The following TANGO2 variants were observed in gnomAD, a reference collection of about 807,000 sequenced individuals.
The protein encoded by TANGO2 is transport and golgi organization 2 homolog.
Under a neutral mutation model 39.1 loss-of-function variants are expected in TANGO2, and 26 were observed. That is an observed-to-expected ratio of 0.67 (90% confidence interval 0.49 to 0.92). The LOEUF is 0.92. TANGO2 is among the 40% of genes least tolerant of loss of function. The pLI, the probability that TANGO2 is intolerant of heterozygous loss-of-function variation, is 0.00. For synonymous variants in TANGO2, 131 were observed against 144.5 expected, an observed-to-expected ratio of 0.91 and a Z score of 0.67; for missense variants, 326 against 360.1, an observed-to-expected ratio of 0.91 and a Z score of 0.77.
At chr22:20,050,726 G>T (rs1216690049) in intron 3 of TANGO2, among the ~76,000 whole-genome samples, 1 of 147,802 alleles carries the variant, frequency 6.8e-6, no homozygotes. Context: ...ATATTTAAAT[G>T]CTCACTTTCC....
chr22:20,054,905 T>G (rs1365091640), intron 5 of TANGO2: 1 of 152,260 alleles, frequency 6.6e-6, no homozygotes, highest in Non-Finnish European at 1.5e-5. Context: ...CAGAGGAGAT[T>G]TTTGCCTGCA....
chr22:20,052,666 A>G (rs1489569923), intron 4 of TANGO2, 82 bp downstream of exon 4: 8 of 1,497,678 alleles, frequency 5.3e-6, no homozygotes, highest in Middle Eastern at 2.4e-4. Context: ...CCAAGGGACT[A>G]CAGGACTGGC....
At chr22:20,022,172 T>C (rs1428182591) in intron 1 of TANGO2, among the ~76,000 whole-genome samples, 1 of 152,242 alleles carries the variant, frequency 6.6e-6, no homozygotes, top group Non-Finnish European at 1.5e-5. Flanking sequence ...ATTGATCCAG[T>C]CCTGCTCATA....
At chr22:20,043,915 G>A (rs1039964488) in intron 3 of TANGO2, among the ~76,000 whole-genome samples, 2 of 152,158 alleles carry the variant, frequency 1.3e-5, no homozygotes, top group Non-Finnish European at 2.9e-5. Context: ...TGGTGCTGAA[G>A]CCCCGTCACC....
intron 1 of TANGO2, among the ~76,000 whole-genome samples, chr22:20,022,402 T>C (rs1299965988): frequency 2.6e-5 from 4 of 152,168 alleles, no homozygotes; most frequent in Admixed American, 6.5e-5. Context: ...CCTAGTGCTC[T>C]GGTGGTCCAG....
At chr22:20,024,703 G>C (rs2040396640) in intron 1 of TANGO2, among the ~76,000 whole-genome samples, 1 of 152,240 alleles carries the variant, frequency 6.6e-6, no homozygotes, top group Non-Finnish European at 1.5e-5. Context: ...AGGTCCCCTT[G>C]ACCCTGTGGT....
At chr22:20,044,462 G>C (rs2147268153) in intron 3 of TANGO2, among the ~76,000 whole-genome samples, 1 of 152,330 alleles carries the variant, frequency 6.6e-6, no homozygotes, top group Middle Eastern at 3.4e-3. Context: ...GAAAGCAGAG[G>C]TTTCAGTGAG....
chr22:20,055,815 C>T (rs2047220128), intron 5 of TANGO2, 128 bp from the exon 6 acceptor site: 1 of 807,480 alleles, frequency 1.2e-6, no homozygotes, highest in Non-Finnish European at 2.1e-6. Flanking sequence ...CTGCAAGCTC[C>T]TGACCTGGCC....
chr22:20,036,884 C>T, intron 2 of TANGO2, 30 bp downstream of exon 2: 1 of 1,614,236 alleles, frequency 6.2e-7, no homozygotes, highest in Non-Finnish European at 8.5e-7. Flanking sequence ...TCTGCTGCGC[C>T]CTGCAGGGTC....
intron 1 of TANGO2, among the ~76,000 whole-genome samples, chr22:20,029,357 C>G (rs2041404196): frequency 6.6e-6 from 1 of 152,122 alleles, no homozygotes; most frequent in African/African-American, 2.4e-5. Flanking sequence ...CCCAGAGTGC[C>G]TGGAAAGCTT....
intron 2 of TANGO2, among the ~76,000 whole-genome samples, chr22:20,037,653 GT>G (rs112148654): frequency 0.056 from 8,496 of 152,196 alleles, 646 homozygotes; most frequent in African/African-American, 0.17. Context: ...GGTGTCTGGT[GT>G]TTTCCCTTTT....
chr22:20,042,634 G>A (rs1196504998), intron 2 of TANGO2, among the ~76,000 whole-genome samples: 3 of 151,994 alleles, frequency 2.0e-5, no homozygotes, highest in African/African-American at 7.2e-5. Flanking sequence ...GTGTGGTGGC[G>A]GGTGCCTGTA....
intron 5 of TANGO2, 174 bp downstream of exon 5, chr22:20,053,725 G>C (rs1448371174): frequency 4.6e-6 from 3 of 646,894 alleles, no homozygotes; most frequent in Non-Finnish European, 2.9e-6. Context: ...GTACCAACTC[G>C]GGTATTTGGG....
intron 2 of TANGO2, among the ~76,000 whole-genome samples, chr22:20,040,472 AGGGCTGT>A (rs997778434): frequency 3.9e-5 from 6 of 152,178 alleles, no homozygotes; most frequent in Non-Finnish European, 5.9e-5. Context: ...GTTCACCTGC[AGGGCTGT>A]GGGACGTGGA....
intron 6 of TANGO2, chr22:20,058,554 A>G (rs2047792626): frequency 6.6e-6 from 1 of 151,908 alleles, no homozygotes; most frequent in Non-Finnish European, 1.5e-5. Flanking sequence ...AGGCGGGAGA[A>G]TGGCGTGAAC....
intron 1 of TANGO2, among the ~76,000 whole-genome samples, chr22:20,027,390 A>G (rs914988226): frequency 6.6e-6 from 1 of 152,208 alleles, no homozygotes; most frequent in Non-Finnish European, 1.5e-5. Flanking sequence ...GGACGAAGAC[A>G]CCAGCCACAG....
At chr22:20,046,157 T>C (rs1300879707) in intron 3 of TANGO2, among the ~76,000 whole-genome samples, 2 of 152,100 alleles carry the variant, frequency 1.3e-5, no homozygotes, top group Non-Finnish European at 2.9e-5. Context: ...TTTTTTTCTT[T>C]TTTTTTGAGA....
intron 3 of TANGO2, among the ~76,000 whole-genome samples, chr22:20,050,946 G>GC (rs945238906): frequency 2.7e-5 from 4 of 149,602 alleles, no homozygotes; most frequent in African/African-American, 9.9e-5. Context: ...CCCTGCCTCA[G>GC]CCCCCCGAGT....
rs773111922 is a variant in TANGO2, at chr22:20,053,609, C to T, written c.380+58C>T. The T allele has an allele frequency of 1.8e-5, 21 of 1,146,562 alleles. No homozygotes were observed. The African/African-American group carries it at 2.3e-4, about 12-fold the overall frequency. The allele number at this position is 1,146,562 out of a possible 1,614,324, so 71.0% of individuals were successfully genotyped here. A position where few individuals can be genotyped will look rare whatever the true frequency, so the allele number is the denominator to read the frequency against. ...CCAGCACTGCCTCGGGGGCAGGCCT[C>T]AGGCTCATCAGGAAGTGGGGTTCCA... On this transcript the variant is annotated intron_variant, in intron 5 of 8. Transcript: ENST00000327374.
Sources: allele counts gnomAD v4.1 joint callset (sites outside exome capture counted in the v4.1 genomes callset), GRCh38; gene constraint gnomAD v4.1.1; transcripts MANE v1.5; gene names NCBI Gene and HGNC (gene_info 2026-07-23, HGNC 2026-07-21).